The following LARGE1 variants were observed in gnomAD, a reference collection of about 807,000 sequenced individuals.
LARGE1 encodes the protein LARGE xylosyl- and glucuronyltransferase 1, also known as xylosyl- and glucuronyltransferase LARGE1.
LARGE1 carries 43 observed loss-of-function variants against 87.6 expected under a neutral mutation model. The ratio of observed to expected loss-of-function variants is 0.49; its 90% CI spans 0.38 to 0.63. The LOEUF (loss-of-function observed/expected upper bound fraction) is 0.63, where lower values mean the gene tolerates loss of function less well. LARGE1 is among the 30% of genes least tolerant of loss of function. The pLI, the probability that LARGE1 is intolerant of heterozygous loss-of-function variation, is 0.00. For missense variants in LARGE1, 802 were observed against 1,000.2 expected, an observed-to-expected ratio of 0.80 and a Z score of 2.67; for synonymous variants, 434 against 394.6, an observed-to-expected ratio of 1.10 and a Z score of -1.18.
chr22:33,437,241 G>T (rs555598197), intron 6 of LARGE1, among the ~76,000 whole-genome samples: 1 of 152,116 alleles, frequency 6.6e-6, no homozygotes, highest in Admixed American at 6.6e-5. Context: ...AACTCACATG[G>T]TGTCTACATT....
intron 9 of LARGE1, among the ~76,000 whole-genome samples, chr22:33,342,830 G>A (rs1939313436): frequency 6.6e-6 from 1 of 152,168 alleles, no homozygotes; most frequent in Non-Finnish European, 1.5e-5. Flanking sequence ...AGCAAAGGCG[G>A]TTCTGAAGAG....
chr22:33,379,276 T>TA (rs1555907148), intron 9 of LARGE1, among the ~76,000 whole-genome samples: 8 of 149,972 alleles, frequency 5.3e-5, no homozygotes, highest in Admixed American at 3.3e-4. Context: ...TTTTTTTTTT[T>TA]ATTATACTTT....
intron 4 of LARGE1, among the ~76,000 whole-genome samples, chr22:33,612,610 T>C (rs1405241839): frequency 6.6e-6 from 1 of 152,170 alleles, no homozygotes; most frequent in Non-Finnish European, 1.5e-5. Flanking sequence ...AATAGTCATA[T>C]TTGGGTGGAT....
intron 4 of LARGE1, among the ~76,000 whole-genome samples, chr22:33,618,499 C>T (rs757633431): frequency 6.6e-6 from 1 of 152,180 alleles, no homozygotes; most frequent in African/African-American, 2.4e-5. Context: ...AACATCTGCA[C>T]TATAAAAAGC....
At chr22:33,828,067 G>A (rs894792966) in intron 1 of LARGE1, among the ~76,000 whole-genome samples, 4 of 152,134 alleles carry the variant, frequency 2.6e-5, no homozygotes, top group South Asian at 2.1e-4. Flanking sequence ...ATGAGATGGC[G>A]GAAGGGGACA....
chr22:33,689,187 G>A (rs943215024), intron 2 of LARGE1, among the ~76,000 whole-genome samples: 3 of 150,938 alleles, frequency 2.0e-5, no homozygotes, highest in African/African-American at 7.3e-5. Flanking sequence ...GTGTGTGTAT[G>A]TGTGTGTGTG....
intron 2 of LARGE1, among the ~76,000 whole-genome samples, chr22:33,720,787 T>C (rs1252154921): frequency 6.6e-6 from 1 of 152,148 alleles, no homozygotes; most frequent in Non-Finnish European, 1.5e-5. Flanking sequence ...CTTAAGCCAC[T>C]GGTGGTTTAA....
intron 11 of LARGE1, among the ~76,000 whole-genome samples, 184 bp downstream of exon 11, chr22:33,315,901 T>C (rs1936100750): frequency 6.6e-6 from 1 of 152,174 alleles, no homozygotes; most frequent in Non-Finnish European, 1.5e-5. Context: ...GTGCTAGGAT[T>C]ACAGGTGTGA....
intron 1 of LARGE1, among the ~76,000 whole-genome samples, chr22:33,849,743 T>A (rs781400398): frequency 6.6e-6 from 1 of 151,884 alleles, no homozygotes; most frequent in Non-Finnish European, 1.5e-5. Flanking sequence ...GGATTACAGA[T>A]GAGCACCACC....
the LARGE1 span, among the ~76,000 whole-genome samples, chr22:33,087,446 A>G: frequency 2.0e-5 from 3 of 152,156 alleles, no homozygotes; most frequent in African/African-American, 7.2e-5. Flanking sequence ...ATCCACACTG[A>G]CTGGATCAGT....
intron 10 of LARGE1, among the ~76,000 whole-genome samples, chr22:33,332,225 A>T (rs1217070127): frequency 6.6e-6 from 1 of 152,150 alleles, no homozygotes; most frequent in Non-Finnish European, 1.5e-5. Flanking sequence ...TAACTGAATC[A>T]TGGGGGCAGG....
intron 7 of LARGE1, among the ~76,000 whole-genome samples, chr22:33,421,290 C>A (rs543721598): frequency 6.6e-6 from 1 of 152,296 alleles, no homozygotes; most frequent in Admixed American, 6.5e-5. Flanking sequence ...TTGACCCAGA[C>A]ACTGTCCCAT....
intron 6 of LARGE1, among the ~76,000 whole-genome samples, chr22:33,490,525 T>C (rs1158419595): frequency 6.6e-6 from 1 of 152,236 alleles, no homozygotes; most frequent in East Asian, 1.9e-4. Context: ...ATAGAATTAT[T>C]TGTAGGCCAA....
At chr22:33,572,071 G>A (rs932139142) in intron 5 of LARGE1, 26 of 515,140 alleles carry the variant, frequency 5.0e-5, no homozygotes, top group Middle Eastern at 3.2e-4. Flanking sequence ...TTCCTAAGGC[G>A]TTACTATATA....
chr22:33,809,597 A>C (rs1316383888), intron 1 of LARGE1, among the ~76,000 whole-genome samples: 2 of 152,262 alleles, frequency 1.3e-5, no homozygotes, highest in Admixed American at 6.5e-5. Flanking sequence ...ATATTATATA[A>C]TGCTAGTTAG....
intron 9 of LARGE1, among the ~76,000 whole-genome samples, chr22:33,370,089 G>A (rs1046429638): frequency 2.6e-5 from 4 of 152,096 alleles, no homozygotes; most frequent in Admixed American, 2.0e-4. Context: ...GTTAACTAAG[G>A]GGACTGATAG....
intron 6 of LARGE1, among the ~76,000 whole-genome samples, chr22:33,540,540 C>A (rs2077163253): frequency 6.6e-6 from 1 of 152,222 alleles, no homozygotes; most frequent in Non-Finnish European, 1.5e-5. Flanking sequence ...CCAAACAGTA[C>A]CCTGCCCCAC....
At chr22:33,738,991 G>A (rs1281264529) in intron 2 of LARGE1, among the ~76,000 whole-genome samples, 1 of 150,558 alleles carries the variant, frequency 6.6e-6, no homozygotes, top group African/African-American at 2.5e-5. Context: ...GATACAGTGG[G>A]CAGAGTATGA....
At chr22:33,738,345 G>A (rs2083738356) in intron 2 of LARGE1, among the ~76,000 whole-genome samples, 1 of 152,162 alleles carries the variant, frequency 6.6e-6, no homozygotes, top group Non-Finnish European at 1.5e-5. Context: ...TGGGCGAAGG[G>A]GCAGTGGTTA....
Sources: gnomAD v4.1 joint callset for allele counts (sites outside exome capture counted in the v4.1 genomes callset) on GRCh38, gnomAD v4.1.1 for gene constraint, MANE v1.5 for transcripts, NCBI Gene and HGNC (gene_info 2026-07-23, HGNC 2026-07-21) for gene names.